TTLL7: variants seen among roughly 807,000 people sequenced by gnomAD.
TTLL7 encodes the protein tubulin tyrosine ligase like 7, also known as tubulin polyglutamylase TTLL7.
A neutral mutation model predicts 120.2 loss-of-function variants in TTLL7; 53 were observed. That is an observed-to-expected ratio of 0.44 (90% CI 0.35 to 0.55). The LOEUF (loss-of-function observed/expected upper bound fraction) is 0.55, where lower values mean the gene tolerates loss of function less well. TTLL7 is among the 20% of genes least tolerant of loss of function. The probability of loss-of-function intolerance (pLI) is 0.00; values close to 1 mark genes in which losing one functional copy is unlikely to be tolerated. For missense variants in TTLL7, 803 were observed against 1,054.7 expected (o/e 0.76, Z 3.31); for synonymous variants, 353 against 351.7 (o/e 1.00, Z -0.04).
chr1:83,957,032 A>G (rs1382747785), intron 1 of TTLL7, among the ~76,000 whole-genome samples: 4 of 152,208 alleles, frequency 2.6e-5, no homozygotes, highest in Admixed American at 2.6e-4. Flanking sequence ...TTTCATTTAA[A>G]TGAAAGTATA....
intron 18 of TTLL7, among the ~76,000 whole-genome samples, chr1:83,895,626 AT>A (rs1656145803): frequency 6.6e-6 from 1 of 152,046 alleles, no homozygotes; most frequent in South Asian, 2.1e-4. Context: ...GGTTATGAAA[AT>A]TTTTTTGGTC....
At chr1:83,895,323 T>C (rs981253392) in intron 18 of TTLL7, among the ~76,000 whole-genome samples, 1 of 151,976 alleles carries the variant, frequency 6.6e-6, no homozygotes, top group Non-Finnish European at 1.5e-5. Flanking sequence ...CACACCTATG[T>C]AGACAAGGTA....
chr1:83,900,239 A>G (rs1656602125), intron 18 of TTLL7: 1 of 397,940 alleles, frequency 2.5e-6, no homozygotes, highest in Non-Finnish European at 4.9e-6. Context: ...CTTGCTACTG[A>G]GTCTAGAATT....
At chr1:83,976,610 G>T (rs754029277) in intron 1 of TTLL7, among the ~76,000 whole-genome samples, 22 of 152,152 alleles carry the variant, frequency 1.4e-4, no homozygotes, top group Middle Eastern at 3.4e-3. Flanking sequence ...TAATAGCTGA[G>T]TGATCCATGC....
chr1:83,928,508 T>C (rs1659325505), intron 10 of TTLL7, among the ~76,000 whole-genome samples: 1 of 152,134 alleles, frequency 6.6e-6, no homozygotes, highest in Admixed American at 6.6e-5. Context: ...TTGAATCCCA[T>C]GATCATGTAC....
At chr1:83,988,215 T>C (rs1652659894) in intron 1 of TTLL7, among the ~76,000 whole-genome samples, 1 of 152,242 alleles carries the variant, frequency 6.6e-6, no homozygotes, top group African/African-American at 2.4e-5. Flanking sequence ...AGATATCTCA[T>C]TCTTTTTATG....
chr1:83,911,654 G>A (rs1657685251), intron 14 of TTLL7, among the ~76,000 whole-genome samples: 1 of 151,750 alleles, frequency 6.6e-6, no homozygotes, highest in Admixed American at 6.6e-5. Context: ...CAAAATAAAG[G>A]GAAAATATTT....
intron 18 of TTLL7, among the ~76,000 whole-genome samples, chr1:83,901,207 T>G (rs941064240): frequency 6.6e-6 from 1 of 152,006 alleles, no homozygotes; most frequent in Non-Finnish European, 1.5e-5. Context: ...CTTTTACCTT[T>G]CATAAGATTT....
intron 1 of TTLL7, among the ~76,000 whole-genome samples, chr1:83,972,877 G>A (rs1465692515): frequency 6.6e-6 from 1 of 151,912 alleles, no homozygotes; most frequent in Non-Finnish European, 1.5e-5. Context: ...ATCTTCTTTA[G>A]TGAGATATCT....
chr1:83,881,692 G>T (rs1206753435), intron 20 of TTLL7, among the ~76,000 whole-genome samples: 1 of 151,576 alleles, frequency 6.6e-6, no homozygotes, highest in Non-Finnish European at 1.5e-5. Context: ...ATTCCTCAGG[G>T]ATCTAGACCT....
intron 1 of TTLL7, among the ~76,000 whole-genome samples, chr1:83,964,497 A>T (rs1325347480): frequency 6.6e-6 from 1 of 152,098 alleles, no homozygotes; most frequent in Admixed American, 6.6e-5. Context: ...TTAAACTTTA[A>T]TTATTGTTTC....
intron 1 of TTLL7, among the ~76,000 whole-genome samples, chr1:83,970,423 G>T (rs747715810): frequency 6.6e-6 from 1 of 152,048 alleles, no homozygotes; most frequent in East Asian, 1.9e-4. Flanking sequence ...AGTACACACT[G>T]AATTCATTTA....
At chr1:83,920,062 T>C (rs914951784) in intron 12 of TTLL7, among the ~76,000 whole-genome samples, 1 of 152,174 alleles carries the variant, frequency 6.6e-6, no homozygotes, top group Non-Finnish European at 1.5e-5. Context: ...AATGTGAGTA[T>C]TTGCTGACTG....
At chr1:83,994,838 T>A (rs1653336678) in intron 1 of TTLL7, among the ~76,000 whole-genome samples, 1 of 152,288 alleles carries the variant, frequency 6.6e-6, no homozygotes, top group Non-Finnish European at 1.5e-5. Flanking sequence ...CCTTGCAATA[T>A]CAGGACCCTG....
chr1:83,916,643 T>TA (rs1557633369), intron 14 of TTLL7, among the ~76,000 whole-genome samples: 1 of 151,240 alleles, frequency 6.6e-6, no homozygotes, highest in African/African-American at 2.4e-5. Flanking sequence ...AGTATAATTT[T>TA]AAAAAAAAGA....
intron 18 of TTLL7, among the ~76,000 whole-genome samples, chr1:83,892,922 G>GAAAGAAA (rs1307736580): frequency 5.6e-5 from 4 of 71,814 alleles, no homozygotes; most frequent in African/African-American, 2.0e-4. Context: ...AAAAAAGAAA[G>GAAAGAAA]AAAAAGAGAA....
intron 1 of TTLL7, among the ~76,000 whole-genome samples, chr1:83,965,590 C>T (rs1650385593): frequency 6.6e-6 from 1 of 152,094 alleles, no homozygotes; most frequent in African/African-American, 2.4e-5. Context: ...TTTAAATGCT[C>T]TCTGTAACTA....
At chr1:83,949,625 C>T in intron 4 of TTLL7, 1 of 421,028 alleles carries the variant, frequency 2.4e-6, no homozygotes, top group Non-Finnish European at 4.1e-6. Flanking sequence ...CACGCCCAAC[C>T]AGAAGAGGTT....
In TTLL7 at chr1:83,869,254, G is replaced by A. The variant is rs1247980322; in HGVS notation, c.*708C>T. ...GCCTCCCAAAGTGCTGGAATTACAG[G>A]CGTGAGCCACCGCGCCCAGCCTGTC... On this transcript the variant is annotated 3_prime_UTR_variant, in exon 21 of 21. Transcript: ENST00000260505. The A allele has an allele frequency of 2.6e-5, 4 of 152,334 alleles. No homozygotes were observed. The East Asian group carries it at 7.7e-4, about 29-fold the overall frequency. The allele number at this position is 152,334 out of a possible 1,614,324, so 9.4% of individuals were successfully genotyped here.
Sources: allele counts gnomAD v4.1 joint callset (sites outside exome capture counted in the v4.1 genomes callset), GRCh38; gene constraint gnomAD v4.1.1; transcripts MANE v1.5; gene names NCBI Gene and HGNC (gene_info 2026-07-23, HGNC 2026-07-21).